SLK: variants seen among roughly 807,000 people sequenced by gnomAD.
SLK encodes STE20 like kinase.
Under a neutral mutation model 147.7 loss-of-function variants are expected in SLK, and 67 were observed. The observed-to-expected ratio is 0.45, with a 90% confidence interval of 0.37 to 0.56. The LOEUF is 0.56. Among genes scored for constraint, SLK ranks in the 20% least tolerant of loss-of-function variants. The probability of loss-of-function intolerance (pLI) is 0.00; values close to 1 mark genes in which losing one functional copy is unlikely to be tolerated. For synonymous variants in SLK, 441 were observed against 475.0 expected (o/e 0.93, Z 0.93); for missense variants, 1,136 against 1,438.8 (o/e 0.79, Z 3.41).
chr10:104,019,161 C>G (rs560121608), intron 15 of SLK: 1 of 305,100 alleles, frequency 3.3e-6, no homozygotes, highest in Non-Finnish European at 6.1e-6. Context: ...ATCTTCATCT[C>G]GGCTCTCAAA....
At chr10:103,971,078 G>T (rs1375538494) in intron 1 of SLK, among the ~76,000 whole-genome samples, 2 of 152,024 alleles carry the variant, frequency 1.3e-5, no homozygotes. Flanking sequence ...CTTCCATCGT[G>T]TACTTGTTGT....
chr10:103,979,008 A>ATTTT (rs10524073), intron 1 of SLK, among the ~76,000 whole-genome samples: 115,046 of 151,638 alleles, frequency 0.76, 43,668 homozygotes, highest in East Asian at 0.86. Flanking sequence ...AAGATATTTT[A>ATTTT]TTAATTTTAA....
chr10:103,981,183 GTTT>G (rs60741360), intron 1 of SLK, among the ~76,000 whole-genome samples: 32,254 of 148,746 alleles, frequency 0.22, 3,772 homozygotes, highest in African/African-American at 0.32. Flanking sequence ...CTAGTTGTGG[GTTT>G]TTTTTGTTGT....
chr10:103,967,850 G>A lies in SLK; in HGVS notation c.105G>A (p.Glu35=), dbSNP rs919031555. The A allele has an allele frequency of 6.2e-7, 1 of 1,614,046 alleles. No homozygotes were observed. The highest frequency in any genetic ancestry group is 8.5e-7 in the Non-Finnish European group (1 of 1,179,966). The change falls in exon 1 of 19, where the codon GAG becomes GAA. Residue 35 remains glutamate (E), a synonymous_variant. Transcript: ENST00000369755. ...KRDLNPEDFW[E]IIGELGDGAF... ...ACCTGAACCCCGAAGACTTTTGGGA[G>A]ATTATAGGAGAACTGGGCGACGGAG...
At chr10:104,021,249 G>C (rs1421211903) in intron 17 of SLK, among the ~76,000 whole-genome samples, 1 of 152,154 alleles carries the variant, frequency 6.6e-6, no homozygotes, top group East Asian at 1.9e-4. Context: ...TCTTTTACAG[G>C]AATAGATCTA....
At chr10:103,980,610 C>A (rs1843928333) in intron 1 of SLK, among the ~76,000 whole-genome samples, 1 of 152,102 alleles carries the variant, frequency 6.6e-6, no homozygotes, top group African/African-American at 2.4e-5. Context: ...TGACTTAGTT[C>A]CTTTAGCGTA....
At chr10:104,024,289 C>T (rs953728570) in intron 18 of SLK, among the ~76,000 whole-genome samples, 1 of 152,212 alleles carries the variant, frequency 6.6e-6, no homozygotes, top group Non-Finnish European at 1.5e-5. Flanking sequence ...TTTCTTCCCA[C>T]TCGCCTGCCA....
chr10:103,972,435 G>A (rs1843804883), intron 1 of SLK, among the ~76,000 whole-genome samples: 1 of 152,212 alleles, frequency 6.6e-6, no homozygotes, highest in Admixed American at 6.5e-5. Flanking sequence ...CACTTTGGGA[G>A]GCCGAGGCGG....
intron 14 of SLK, 128 bp from the exon 15 acceptor site, chr10:104,018,656 C>A: frequency 1.1e-6 from 1 of 950,036 alleles, no homozygotes; most frequent in Non-Finnish European, 1.6e-6. Context: ...ACTTGGACAG[C>A]TCAGAATGTC....
chr10:103,978,019 T>C (rs749612139), intron 1 of SLK, among the ~76,000 whole-genome samples: 20 of 152,206 alleles, frequency 1.3e-4, no homozygotes, highest in Non-Finnish European at 2.4e-4. Context: ...TGTTTCTCTT[T>C]TTCATTTTCT....
chr10:103,983,700 T>C (rs1398906643), intron 1 of SLK, among the ~76,000 whole-genome samples: 2 of 151,834 alleles, frequency 1.3e-5, no homozygotes, highest in Non-Finnish European at 2.9e-5. Flanking sequence ...ATCAGCAGTT[T>C]CTTTCTGTAG....
At chr10:104,019,053 G>A in intron 15 of SLK, 145 bp downstream of exon 15, 1 of 710,076 alleles carries the variant, frequency 1.4e-6, no homozygotes, top group Non-Finnish European at 2.2e-6. Flanking sequence ...GAAGTTTGGA[G>A]TAATTAATTG....
chr10:103,986,668 GTTTTT>G (rs759976399), intron 1 of SLK, among the ~76,000 whole-genome samples: 3 of 97,244 alleles, frequency 3.1e-5, no homozygotes, highest in Non-Finnish European at 5.9e-5. Flanking sequence ...TATGTGAAGA[GTTTTT>G]TTTTTTTTTT....
chr10:103,987,174 A>G (rs982544911), intron 1 of SLK, among the ~76,000 whole-genome samples: 1 of 152,170 alleles, frequency 6.6e-6, no homozygotes, highest in Non-Finnish European at 1.5e-5. Context: ...TTGAGGCACT[A>G]TTCTTTTAAT....
At chr10:104,014,131 A>G (rs955525225) in intron 13 of SLK, among the ~76,000 whole-genome samples, 1 of 152,234 alleles carries the variant, frequency 6.6e-6, no homozygotes, top group Non-Finnish European at 1.5e-5. Context: ...CATGTGAGAA[A>G]TTGAATGCTG....
intron 18 of SLK, among the ~76,000 whole-genome samples, chr10:104,022,793 A>G (rs1423101920): frequency 6.6e-6 from 1 of 152,216 alleles, no homozygotes; most frequent in East Asian, 1.9e-4. Flanking sequence ...TTTTCAGTAG[A>G]GACGGGGCTT....
intron 13 of SLK, among the ~76,000 whole-genome samples, chr10:104,015,357 A>G (rs1047686586): frequency 6.6e-6 from 1 of 152,238 alleles, no homozygotes; most frequent in Non-Finnish European, 1.5e-5. Context: ...ATAAACAGTC[A>G]TAGCTCCTCT....
Position 104,026,123 on chromosome 10 carries a change from G to A in SLK, c.*403G>A, listed in dbSNP as rs955287021. 4.5e-5 allele frequency: 7 copies of A among 154,794 alleles called. No homozygotes were observed. Among genetic ancestry groups the A allele is most frequent in the African/African-American group, 1.7e-4 (7 of 41,516 alleles). 9.6% of individuals were successfully genotyped at this position (154,794 alleles called of 1,614,324 possible). Reference sequence around the variant, plus strand: ...GCCTAAATTCTGTAGTTGAAGCTCTGCTGCAGAGAGTTGGGATAATTTTCT... The same window carrying A: ...GCCTAAATTCTGTAGTTGAAGCTCTACTGCAGAGAGTTGGGATAATTTTCT... On this transcript the variant is annotated 3_prime_UTR_variant, in exon 19 of 19. Transcript: ENST00000369755.
intron 1 of SLK, among the ~76,000 whole-genome samples, chr10:103,982,686 A>G (rs1233674595): frequency 6.6e-6 from 1 of 152,234 alleles, no homozygotes; most frequent in East Asian, 1.9e-4. Context: ...CCTAAAATCT[A>G]TACTTGCGGC....
Sources: allele counts gnomAD v4.1 joint callset (sites outside exome capture counted in the v4.1 genomes callset), GRCh38; gene constraint gnomAD v4.1.1; transcripts MANE v1.5; gene names NCBI Gene and HGNC (gene_info 2026-07-23, HGNC 2026-07-21).